The following MARCHF1 variants were observed in gnomAD, a reference collection of about 807,000 sequenced individuals.
MARCHF1 encodes E3 ubiquitin-protein ligase MARCHF1.
In MARCHF1, 40 loss-of-function variants were observed where a neutral mutation model predicts 54.2. The observed-to-expected ratio is 0.74, with a 90% confidence interval of 0.57 to 0.96. The LOEUF (loss-of-function observed/expected upper bound fraction) is 0.96. Ranked by LOEUF, MARCHF1 falls within the 40% of genes least tolerant of loss-of-function variation. MARCHF1 has a pLI of 0.00. For missense variants in MARCHF1, 586 were observed against 656.5 expected, an observed-to-expected ratio of 0.89 and a Z score of 1.17; for synonymous variants, 236 against 236.3, an observed-to-expected ratio of 1.00 and a Z score of 0.01.
intron 4 of MARCHF1, among the ~76,000 whole-genome samples, chr4:163,796,869 C>A (rs535350355): frequency 3.9e-5 from 6 of 152,254 alleles, no homozygotes; most frequent in African/African-American, 1.4e-4. Flanking sequence ...CCTAAGAGTG[C>A]TTTAGATCTG....
chr4:163,905,873 T>C (rs897422653), intron 3 of MARCHF1, among the ~76,000 whole-genome samples: 5 of 152,054 alleles, frequency 3.3e-5, no homozygotes, highest in African/African-American at 1.2e-4. Context: ...ATTCCAGTCA[T>C]ACAGTCAGTT....
intron 1 of MARCHF1, among the ~76,000 whole-genome samples, chr4:164,302,081 A>C (rs139408681): frequency 6.6e-6 from 1 of 152,198 alleles, no homozygotes; most frequent in African/African-American, 2.4e-5. Flanking sequence ...TGTTTGACCA[A>C]TGGGCATTCA....
intron 5 of MARCHF1, among the ~76,000 whole-genome samples, chr4:163,662,910 T>C (rs1743394723): frequency 1.3e-5 from 2 of 152,068 alleles, no homozygotes; most frequent in South Asian, 4.1e-4. Context: ...GATGCGACTG[T>C]CTGCACTACA....
intron 1 of MARCHF1, among the ~76,000 whole-genome samples, chr4:164,249,495 AAG>A (rs1733059816): frequency 6.6e-6 from 1 of 152,034 alleles, no homozygotes; most frequent in African/African-American, 2.4e-5. Flanking sequence ...AAGAAAGAAA[AAG>A]AGAGATGCCT....
At chr4:164,236,029 G>A (rs923343539) in intron 1 of MARCHF1, among the ~76,000 whole-genome samples, 16 of 152,032 alleles carry the variant, frequency 1.1e-4, no homozygotes, top group Non-Finnish European at 2.1e-4. Context: ...CTCCTGATAC[G>A]TAGGAAGCAA....
intron 9 of MARCHF1, among the ~76,000 whole-genome samples, chr4:163,540,704 C>T (rs1303718880): frequency 6.6e-6 from 1 of 152,174 alleles, no homozygotes; most frequent in East Asian, 1.9e-4. Context: ...AAAAACTGAG[C>T]TTCAGAGTGA....
intron 5 of MARCHF1, among the ~76,000 whole-genome samples, chr4:163,675,201 G>T (rs1743872733): frequency 6.6e-6 from 1 of 152,154 alleles, no homozygotes; most frequent in Non-Finnish European, 1.5e-5. Context: ...CAAACATTTT[G>T]GTAGTAGCAG....
chr4:163,762,050 GT>G (rs1417308941), intron 4 of MARCHF1, among the ~76,000 whole-genome samples: 1 of 152,104 alleles, frequency 6.6e-6, no homozygotes, highest in Non-Finnish European at 1.5e-5. Flanking sequence ...TAAGCACCCT[GT>G]TTTATAGAAA....
chr4:163,605,619 C>T (rs980687149), intron 7 of MARCHF1, among the ~76,000 whole-genome samples: 1 of 152,116 alleles, frequency 6.6e-6, no homozygotes, highest in Non-Finnish European at 1.5e-5. Flanking sequence ...ATGTTTATTG[C>T]AGCACTGTTC....
chr4:163,631,785 C>G, intron 5 of MARCHF1, among the ~76,000 whole-genome samples: 1 of 152,132 alleles, frequency 6.6e-6, no homozygotes, highest in East Asian at 1.9e-4. Context: ...ATACCAAAAG[C>G]ATGGGCAGCA....
chr4:163,577,138 T>C (rs895498655), intron 8 of MARCHF1, among the ~76,000 whole-genome samples: 2 of 151,996 alleles, frequency 1.3e-5, no homozygotes, highest in African/African-American at 4.8e-5. Flanking sequence ...TTCTATTGTG[T>C]GGTTGCTTTA....
intron 8 of MARCHF1, among the ~76,000 whole-genome samples, chr4:163,562,114 T>C (rs535990157): frequency 7.2e-5 from 11 of 152,078 alleles, no homozygotes; most frequent in Admixed American, 1.3e-4. Context: ...CTGGCCAACA[T>C]GGTGAAACCC....
chr4:163,949,306 G>A (rs535784500), intron 3 of MARCHF1, among the ~76,000 whole-genome samples: 12 of 152,168 alleles, frequency 7.9e-5, no homozygotes, highest in Admixed American at 2.6e-4. Context: ...CGGCTTCCAC[G>A]GCTGGTACTG....
intron 3 of MARCHF1, among the ~76,000 whole-genome samples, chr4:163,986,429 T>C (rs1297212348): frequency 1.5e-4 from 22 of 151,462 alleles, no homozygotes; most frequent in Admixed American, 1.4e-3. Context: ...CACACCCGGC[T>C]AATTTTCTGT....
chr4:164,136,858 G>C lies in MARCHF1; in HGVS notation c.-322-25196C>G, dbSNP rs1009691754. On this transcript the variant is annotated intron_variant, in intron 1 of 9. Coordinates refer to ENST00000514618, the MANE Select transcript of MARCHF1 (RefSeq NM_001394959.1). ...AATTATTCCCAAAGAAAGAATCAAT[G>C]TAGTATGGAAGAGAAGAGGGGTAGG... Among the ~76,000 whole-genome samples, 5 of 152,308 alleles carry C rather than the reference G, an allele frequency of 3.3e-5. No individual in the cohort carries two copies. The East Asian group carries it at 9.6e-4, about 29-fold the overall frequency.
chr4:163,644,689 A>G (rs1742686617), intron 5 of MARCHF1, among the ~76,000 whole-genome samples: 1 of 152,148 alleles, frequency 6.6e-6, no homozygotes, highest in Non-Finnish European at 1.5e-5. Flanking sequence ...TATACAGCAG[A>G]TCCCGAAAAA....
chr4:163,625,324 T>C (rs982070879), intron 5 of MARCHF1, among the ~76,000 whole-genome samples: 5 of 152,178 alleles, frequency 3.3e-5, no homozygotes, highest in African/African-American at 9.7e-5. Context: ...GTCTAACCAT[T>C]TCCAAATTGC....
At chr4:163,748,069 G>A (rs1433878720) in intron 4 of MARCHF1, among the ~76,000 whole-genome samples, 1 of 152,204 alleles carries the variant, frequency 6.6e-6, no homozygotes, top group African/African-American at 2.4e-5. Flanking sequence ...GATGGTCAAA[G>A]GTCATTTCCT....
chr4:164,168,346 T>A (rs760374217), intron 1 of MARCHF1, among the ~76,000 whole-genome samples: 17 of 152,152 alleles, frequency 1.1e-4, no homozygotes, highest in African/African-American at 2.6e-4. Flanking sequence ...GGTACAGCCA[T>A]TAATTAAAAA....
Sources: allele counts gnomAD v4.1 joint callset (sites outside exome capture counted in the v4.1 genomes callset), GRCh38; gene constraint gnomAD v4.1.1; transcripts MANE v1.5; gene names NCBI Gene and HGNC (gene_info 2026-07-23, HGNC 2026-07-21).